Variants in GALNT13 observed in about 807,000 individuals in gnomAD.
The protein encoded by GALNT13 is UDP-GalNAc:polypeptide N-acetylgalactosaminyltransferase 13.
Under a neutral mutation model 64.2 loss-of-function variants are expected in GALNT13, and 28 were observed. The observed-to-expected ratio is 0.44, with a 90% CI of 0.32 to 0.60. The LOEUF (loss-of-function observed/expected upper bound fraction) is 0.60, where lower values mean the gene tolerates loss of function less well. Among genes scored for constraint, GALNT13 ranks in the 20% least tolerant of loss-of-function variants. The pLI is 0.05. For missense variants in GALNT13, 577 were observed against 669.8 expected (o/e 0.86, Z 1.53); for synonymous variants, 214 against 224.6 (o/e 0.95, Z 0.42).
intron 9 of GALNT13, among the ~76,000 whole-genome samples, chr2:154,361,506 C>T (rs986520646): frequency 6.6e-6 from 1 of 152,058 alleles, no homozygotes. Context: ...AGCTCTCCTG[C>T]TTGCCAGTTG....
At chr2:154,125,720 C>T (rs1003347474) in intron 3 of GALNT13, among the ~76,000 whole-genome samples, 11 of 152,052 alleles carry the variant, frequency 7.2e-5, no homozygotes, top group East Asian at 1.9e-4. Context: ...TTAAACTTGA[C>T]GAAGTTTGGT....
At chr2:154,100,393 C>T (rs944527908) in intron 3 of GALNT13, among the ~76,000 whole-genome samples, 20 of 152,018 alleles carry the variant, frequency 1.3e-4, no homozygotes, top group Non-Finnish European at 2.1e-4. Flanking sequence ...AGCAGTACTT[C>T]GTAGTTCTCC....
At chr2:153,248,838 G>A in the GALNT13 span, among the ~76,000 whole-genome samples, 367 of 137,982 alleles carry the variant, frequency 2.7e-3, 2 homozygotes, top group African/African-American at 8.3e-3. Flanking sequence ...AGAAAAAAAA[G>A]AAAAAAAAAA....
the GALNT13 span, among the ~76,000 whole-genome samples, chr2:153,579,272 A>G: frequency 1.3e-5 from 2 of 152,068 alleles, no homozygotes; most frequent in Admixed American, 6.6e-5. Flanking sequence ...CCAGGAAGAC[A>G]TGGCAGATTT....
intron 12 of GALNT13, among the ~76,000 whole-genome samples, chr2:154,440,009 G>A (rs1162654070): frequency 6.6e-6 from 1 of 152,118 alleles, no homozygotes; most frequent in African/African-American, 2.4e-5. Context: ...ACAGAAAACA[G>A]TGCCTTTGCA....
chr2:154,159,257 C>G (rs1684598446), intron 4 of GALNT13, among the ~76,000 whole-genome samples: 1 of 152,056 alleles, frequency 6.6e-6, no homozygotes, highest in Non-Finnish European at 1.5e-5. Flanking sequence ...GCCTCAGCAT[C>G]CCAAGTAGCT....
the GALNT13 span, among the ~76,000 whole-genome samples, chr2:153,405,015 A>T: frequency 6.6e-6 from 1 of 152,194 alleles, no homozygotes; most frequent in Non-Finnish European, 1.5e-5. Flanking sequence ...TTGGGTGCTT[A>T]CATACTACTG....
At chr2:154,280,310 A>G (rs1232587576) in intron 8 of GALNT13, among the ~76,000 whole-genome samples, 2 of 152,126 alleles carry the variant, frequency 1.3e-5, no homozygotes, top group Non-Finnish European at 2.9e-5. Flanking sequence ...AGAGCTATGT[A>G]TTATTATTAT....
the GALNT13 span, among the ~76,000 whole-genome samples, chr2:153,371,640 A>G: frequency 6.6e-6 from 1 of 152,212 alleles, no homozygotes; most frequent in African/African-American, 2.4e-5. Flanking sequence ...GATAAGAGAA[A>G]TAATAATCAT....
chr2:153,978,123 C>T (rs1324708165), intron 3 of GALNT13, among the ~76,000 whole-genome samples: 1 of 152,104 alleles, frequency 6.6e-6, no homozygotes, highest in Non-Finnish European at 1.5e-5. Flanking sequence ...GAATTTAATG[C>T]AAGGTAAATT....
the GALNT13 span, among the ~76,000 whole-genome samples, chr2:153,079,919 T>A: frequency 0.013 from 1,919 of 152,298 alleles, 42 homozygotes; most frequent in African/African-American, 0.043. Context: ...CCCTCCAAGG[T>A]CAGCAAGTCC....
the GALNT13 span, among the ~76,000 whole-genome samples, chr2:153,334,913 G>T: frequency 6.6e-6 from 1 of 152,102 alleles, no homozygotes; most frequent in Non-Finnish European, 1.5e-5. Flanking sequence ...AACTTAAATT[G>T]TATCTCCCAG....
intron 8 of GALNT13, among the ~76,000 whole-genome samples, chr2:154,271,597 C>G (rs1411030023): frequency 6.6e-6 from 1 of 151,908 alleles, no homozygotes; most frequent in Non-Finnish European, 1.5e-5. Context: ...TTCATTTCTT[C>G]TCTTTCATGA....
intron 11 of GALNT13, among the ~76,000 whole-genome samples, chr2:154,425,352 G>T (rs1177555568): frequency 1.3e-5 from 2 of 152,066 alleles, no homozygotes; most frequent in East Asian, 1.9e-4. Context: ...GTTTATCTAG[G>T]TGTCATGTGA....
At chr2:153,647,179 CATT>C in the GALNT13 span, among the ~76,000 whole-genome samples, 3 of 152,290 alleles carry the variant, frequency 2.0e-5, no homozygotes, top group Non-Finnish European at 2.9e-5. Context: ...GATGATATCT[CATT>C]GTTGTTTTGA....
chr2:153,922,823 T>G (rs908443246), intron 2 of GALNT13, among the ~76,000 whole-genome samples: 1 of 152,052 alleles, frequency 6.6e-6, no homozygotes, highest in African/African-American at 2.4e-5. Context: ...AACTCAGAGA[T>G]ATATTATTTA....
rs757620709 is a variant in GALNT13, at chr2:154,246,024, A to G, written c.857+42A>G. The G allele has an allele frequency of 6.6e-6, 9 of 1,367,678 alleles. No homozygotes were observed. The Admixed American group carries it at 9.7e-5, about 15-fold the overall frequency. 84.7% of individuals were successfully genotyped at this position (1,367,678 alleles called of 1,614,324 possible). A position where few individuals can be genotyped will look rare whatever the true frequency, so the allele number is the denominator to read the frequency against. On this transcript the variant is annotated intron_variant, in intron 7 of 12. Coordinates refer to ENST00000392825, the MANE Select transcript of GALNT13 (RefSeq NM_052917.4). ...TCTTGAAGATTATGTATATCCCCCT[A>G]AAAATTAAGGAATATTATAGATTTC...
At chr2:153,901,709 T>A (rs554758814) in intron 2 of GALNT13, among the ~76,000 whole-genome samples, 2 of 152,172 alleles carry the variant, frequency 1.3e-5, no homozygotes, top group African/African-American at 2.4e-5. Context: ...ATTTCAAATT[T>A]AAAAAAATAA....
the GALNT13 span, among the ~76,000 whole-genome samples, chr2:153,431,210 T>G: frequency 6.6e-6 from 1 of 152,100 alleles, no homozygotes; most frequent in Non-Finnish European, 1.5e-5. Flanking sequence ...CTAGGACAAT[T>G]TTTACTGATG....
Sources: allele counts gnomAD v4.1 joint callset (sites outside exome capture counted in the v4.1 genomes callset), GRCh38; gene constraint gnomAD v4.1.1; transcripts MANE v1.5; gene names NCBI Gene and HGNC (gene_info 2026-07-23, HGNC 2026-07-21).